The following CD163 variants were observed in gnomAD, a reference collection of about 807,000 sequenced individuals.
The protein encoded by CD163 is CD163 molecule.
A neutral mutation model predicts 129.2 loss-of-function variants in CD163; 64 were observed. That is an observed-to-expected ratio of 0.50 (90% CI 0.41 to 0.61). CD163 has a LOEUF of 0.61. Among genes scored for constraint, CD163 ranks in the 20% least tolerant of loss-of-function variants. The pLI is 0.00. For missense variants in CD163, 1,061 were observed against 1,377.9 expected (o/e 0.77, Z 3.64); for synonymous variants, 446 against 478.5 (o/e 0.93, Z 0.89).
Position 7,483,567 on chromosome 12 carries a change from G to C in CD163, c.2888C>G (p.Ala963Gly). ...GCCAAGTTGTTGACACACCACCTGA[G>C]CATCGTCCAAGTCCCAAGAGTCATC... The part of the protein sequence containing the change: ...VCDDSWDLDD[A>G]QVVCQQLGCG... The change falls in exon 12 of 17, where the codon GCT (alanine) becomes GGT (glycine). Residue 963 changes from alanine (A) to glycine (G), a missense_variant. Transcript: ENST00000432237. 1 of 1,613,754 alleles carries C rather than the reference G, an allele frequency of 6.2e-7. No homozygotes were observed. The highest frequency in any genetic ancestry group is 8.5e-7 in the Non-Finnish European group (1 of 1,179,940).
chr12:7,473,829 C>G (rs1949042887), intron 16 of CD163, among the ~76,000 whole-genome samples: 1 of 151,854 alleles, frequency 6.6e-6, no homozygotes, highest in Admixed American at 6.6e-5. Context: ...TTCAGGAGAC[C>G]CACCTCATGT....
At chr12:7,493,911 C>T (rs1043855555) in intron 6 of CD163, among the ~76,000 whole-genome samples, 2 of 151,974 alleles carry the variant, frequency 1.3e-5, no homozygotes, top group African/African-American at 4.8e-5. Context: ...TAAATGAATA[C>T]ACACGGTAAT....
In CD163 at chr12:7,486,521, C is replaced by T; in HGVS notation, c.2436G>A (p.Glu812=). Residue 812 remains glutamate (E), a synonymous_variant, in exon 10 of 17, where the codon GAG becomes GAA. Transcript: ENST00000432237. ...GWGQQNCRHK[E]DAGVICSEFM... ...TACCTGAGCAGATAACTCCCGCATCCTCCTTGTGCCTGCAATTTTGCTGCC... is the reference window on the plus strand; with the variant it reads ...TACCTGAGCAGATAACTCCCGCATCTTCCTTGTGCCTGCAATTTTGCTGCC... The T allele has an allele frequency of 1.9e-6, 3 of 1,614,080 alleles. No homozygotes were observed. In the Middle Eastern group the frequency reaches 5.0e-4, roughly 266 times the overall value.
Position 7,483,485 on chromosome 12 carries a change from C to G in CD163, c.2970G>C (p.Pro990=), listed in dbSNP as rs775082662. 6.2e-7 allele frequency: 1 copy of G among 1,614,052 alleles called. No individual in the cohort carries two copies. Among genetic ancestry groups the G allele is most frequent in the South Asian group, 1.1e-5 (1 of 91,082 alleles). The part of the protein sequence containing the change: ...KEAEFGQGTG[P]IWLNEVKCKG... ...TGCACTTCACTTCATTGAGCCATATCGGTCCAGTCCCCTGACCAAACTCTG... is the reference window on the plus strand; with the variant it reads ...TGCACTTCACTTCATTGAGCCATATGGGTCCAGTCCCCTGACCAAACTCTG... Residue 990 remains proline, a synonymous_variant, in exon 12 of 17, where the codon CCG becomes CCC. Coordinates refer to ENST00000432237, the MANE Select transcript of CD163 (RefSeq NM_203416.4).
At chr12:7,502,813 G>A (rs1052272699) in intron 1 of CD163, 6 of 561,578 alleles carry the variant, frequency 1.1e-5, no homozygotes, top group East Asian at 2.9e-5. Context: ...TGGTGGAAAC[G>A]AGAATTGCAA....
Position 7,485,027 on chromosome 12 carries a change from G to T in CD163, c.2779+69C>A. ...TGTGAGAATAGGAAAATAAAATCCA[G>T]TGTCCATTATCAGAAGATGATAGCG... On this transcript the variant is annotated intron_variant, in intron 11 of 16. Coordinates refer to ENST00000432237, the MANE Select transcript of CD163 (RefSeq NM_203416.4). The surrounding 1 kb of genome is among the most constrained non-coding windows in gnomAD (Gnocchi z 4.5). 1 of 1,325,552 alleles carries T rather than the reference G, an allele frequency of 7.5e-7. No individual in the cohort carries two copies. Among genetic ancestry groups the T allele is most frequent in the Non-Finnish European group, 1.0e-6 (1 of 967,296 alleles). 82.1% of individuals were successfully genotyped at this position (1,325,552 alleles called of 1,614,324 possible).
intron 16 of CD163, among the ~76,000 whole-genome samples, chr12:7,478,003 T>A (rs1949111562): frequency 6.6e-6 from 1 of 152,180 alleles, no homozygotes; most frequent in Non-Finnish European, 1.5e-5. Context: ...TATTTAATTA[T>A]AGCCAATACA....
intron 16 of CD163, among the ~76,000 whole-genome samples, chr12:7,476,136 C>A (rs1039896126): frequency 2.6e-5 from 4 of 152,080 alleles, no homozygotes; most frequent in African/African-American, 9.7e-5. Context: ...TAGGAAGAAT[C>A]AATATTGTGA....
intron 6 of CD163, among the ~76,000 whole-genome samples, chr12:7,494,858 A>G (rs149830867): frequency 1.8e-3 from 276 of 152,314 alleles, no homozygotes; most frequent in African/African-American, 6.3e-3. Context: ...ACCTCTATTG[A>G]TCTAAAAATT....
Position 7,482,947 on chromosome 12 carries a change from C to T in CD163, c.3127+19G>A, listed in dbSNP as rs1197856589. ...GTATGCAGATAATTGGTCTCATCATCATAAACTCCATGATATACCTGTTGT... is the reference window on the plus strand; with the variant it reads ...GTATGCAGATAATTGGTCTCATCATTATAAACTCCATGATATACCTGTTGT... On this transcript the variant is annotated intron_variant, in intron 13 of 16. Transcript: ENST00000432237. The T allele has an allele frequency of 1.2e-6, 2 of 1,612,472 alleles. No homozygotes were observed. Among genetic ancestry groups the T allele is most frequent in the South Asian group, 2.2e-5 (2 of 90,782 alleles).
chr12:7,480,402 G>A (rs1366327085), intron 15 of CD163: 1 of 154,500 alleles, frequency 6.5e-6, no homozygotes, highest in African/African-American at 2.4e-5. Context: ...GAGAAATAAG[G>A]CTAGTTCTGT....
At chr12:7,479,308 G>A (rs1041766696) in intron 16 of CD163, among the ~76,000 whole-genome samples, 3 of 151,950 alleles carry the variant, frequency 2.0e-5, no homozygotes, top group Admixed American at 6.6e-5. Context: ...CCATAAATAC[G>A]TTCAATATAC....
chr12:7,499,289 A>C (rs1306861322), intron 3 of CD163, 101 bp from the exon 4 acceptor site: 1 of 1,014,490 alleles, frequency 9.9e-7, no homozygotes, highest in African/African-American at 1.6e-5. Flanking sequence ...TGTTGTCCTT[A>C]AAATGGTGCC....
Position 7,479,840 on chromosome 12 carries a change from A to G in CD163, c.*31+20T>C, listed in dbSNP as rs1591993878. On this transcript the variant is annotated intron_variant, in intron 16 of 16. Transcript: ENST00000432237. ...AATGCAGCTGTTTTGAACAATGACT[A>G]ATAAATTCTCATCACTCACCTCACT... is the stretch of plus-strand genomic sequence containing the variant. The G allele has an allele frequency of 1.2e-6, 2 of 1,608,774 alleles. No homozygotes were observed. Among genetic ancestry groups the G allele is most frequent in the Admixed American group, 3.4e-5 (2 of 59,090 alleles).
chr12:7,498,796 G>T, intron 4 of CD163, 72 bp downstream of exon 4: 1 of 1,353,862 alleles, frequency 7.4e-7, no homozygotes, highest in Non-Finnish European at 1.0e-6. Flanking sequence ...TAAGAGTTCA[G>T]GCTCTTAAGA....
At chr12:7,488,118 T>C (rs752066100) in intron 6 of CD163, 31 bp from the exon 7 acceptor site, 3 of 1,539,420 alleles carry the variant, frequency 1.9e-6, no homozygotes, top group Non-Finnish European at 2.6e-6. Context: ...CAGTGAGAGG[T>C]AATATGATTT....
chr12:7,502,581 A>C lies in CD163; in HGVS notation c.47-17T>G. On this transcript the variant is annotated splice_polypyrimidine_tract_variant and intron_variant, in intron 1 of 16. Coordinates refer to ENST00000432237, the MANE Select transcript of CD163 (RefSeq NM_203416.4). Reference sequence around the variant, plus strand: ...TTCTGAAGTCTGTGAAAAAGAAAAGAGGGCAAAAGTAGCATCTTCCCAAAA... The same window carrying C: ...TTCTGAAGTCTGTGAAAAAGAAAAGCGGGCAAAAGTAGCATCTTCCCAAAA... 2 of 1,331,662 alleles carry C rather than the reference A, an allele frequency of 1.5e-6. No individual in the cohort carries two copies. The highest frequency in any genetic ancestry group is 2.1e-6 in the Non-Finnish European group (2 of 938,704). The allele number at this position is 1,331,662 out of a possible 1,614,324, so 82.5% of individuals were successfully genotyped here. A position where few individuals can be genotyped will look rare whatever the true frequency, so the allele number is the denominator to read the frequency against.
intron 5 of CD163, among the ~76,000 whole-genome samples, chr12:7,495,949 A>G (rs1354405546): frequency 1.3e-5 from 2 of 152,202 alleles, no homozygotes; most frequent in Non-Finnish European, 2.9e-5. Context: ...TAGAAATACC[A>G]TTTGACCCAG....
chr12:7,491,524 C>T (rs1321550263), intron 6 of CD163, among the ~76,000 whole-genome samples: 3 of 151,850 alleles, frequency 2.0e-5, no homozygotes. Flanking sequence ...ACAGTTTTCC[C>T]CTGGCATAAG....
Sources: gnomAD v4.1 joint callset for allele counts (sites outside exome capture counted in the v4.1 genomes callset) on GRCh38, gnomAD v4.1.1 for gene constraint, Gnocchi (gnomAD v3.1) non-coding constraint, MANE v1.5 for transcripts, NCBI Gene and HGNC (gene_info 2026-07-23, HGNC 2026-07-21) for gene names.